N4BP2L2: variants seen among roughly 807,000 people sequenced by gnomAD.
The protein encoded by N4BP2L2 is NEDD4-binding protein 2-like 2.
A neutral mutation model predicts 56.2 loss-of-function variants in N4BP2L2; 50 were observed. That is an observed-to-expected ratio of 0.89 (90% CI 0.71 to 1.13). The LOEUF (loss-of-function observed/expected upper bound fraction) is 1.13, where lower values mean the gene tolerates loss of function less well. Among genes scored for constraint, N4BP2L2 ranks in the 50% most tolerant of loss-of-function variants. The probability of loss-of-function intolerance (pLI) is 0.00; values close to 1 mark genes in which losing one functional copy is unlikely to be tolerated. For synonymous variants in N4BP2L2, 203 were observed against 223.6 expected (o/e 0.91, Z 0.82); for missense variants, 689 against 693.8 (o/e 0.99, Z 0.08).
chr13:32,481,157 C>T (rs942043519), intron 6 of N4BP2L2, among the ~76,000 whole-genome samples: 1 of 132,072 alleles, frequency 7.6e-6, no homozygotes, highest in Non-Finnish European at 1.5e-5. Context: ...AAGGATTGCA[C>T]TTTTTAGATT....
chr13:32,438,600 A>AAAC lies in N4BP2L2; in HGVS notation c.2190+49_2190+51dup, dbSNP rs201307516. Reference sequence around the variant, plus strand: ...GGCAACAAGAATGAAACTCCGTCTCAAACAACAACAACAACAAAAATACAT... The same window carrying AAAC: ...GGCAACAAGAATGAAACTCCGTCTCAAACAACAACAACAACAACAAAAATACAT... On this transcript the variant is annotated intron_variant, in intron 8 of 9. Coordinates refer to the N4BP2L2 transcript ENST00000357505. 72 of 1,422,758 alleles carry AAAC rather than the reference A, an allele frequency of 5.1e-5. No homozygotes were observed. In the East Asian group the frequency reaches 1.4e-3, roughly 27 times the overall value. The allele number at this position is 1,422,758 out of a possible 1,614,324, so 88.1% of individuals were successfully genotyped here. A position where few individuals can be genotyped will look rare whatever the true frequency, so the allele number is the denominator to read the frequency against.
At chr13:32,477,357 T>C in intron 6 of N4BP2L2, 1 of 190,954 alleles carries the variant, frequency 5.2e-6, no homozygotes, top group Non-Finnish European at 1.1e-5. Flanking sequence ...AGTTTTTGTA[T>C]CTGCAATTTA....
intron 6 of N4BP2L2, among the ~76,000 whole-genome samples, chr13:32,501,431 CTTTT>C (rs34152087): frequency 6.7e-6 from 1 of 149,882 alleles, no homozygotes; most frequent in Non-Finnish European, 1.5e-5. Flanking sequence ...AAATAAAAAC[CTTTT>C]TTTTTTCTTT....
At chr13:32,453,439 A>G (rs780334980) in intron 6 of N4BP2L2, among the ~76,000 whole-genome samples, 18 of 150,566 alleles carry the variant, frequency 1.2e-4, no homozygotes, top group South Asian at 4.2e-4. Flanking sequence ...AATCAAGAGA[A>G]AAAAAAAAAG....
At chr13:32,500,869 T>C (rs1443195563) in intron 6 of N4BP2L2, among the ~76,000 whole-genome samples, 2 of 147,816 alleles carry the variant, frequency 1.4e-5, no homozygotes, top group East Asian at 2.0e-4. Context: ...TCTTTTCTTT[T>C]TTTTTTTTTT....
At chr13:32,493,667 G>A (rs1279917112) in intron 6 of N4BP2L2, among the ~76,000 whole-genome samples, 1 of 152,090 alleles carries the variant, frequency 6.6e-6, no homozygotes, top group African/African-American at 2.4e-5. Context: ...GACTAAAACA[G>A]TGTATTTTCA....
intron 6 of N4BP2L2, among the ~76,000 whole-genome samples, chr13:32,461,043 GA>G (rs2079969665): frequency 6.6e-6 from 1 of 152,064 alleles, no homozygotes; most frequent in Non-Finnish European, 1.5e-5. Context: ...ATGGTGCTGG[GA>G]AAACTGAATA....
At chr13:32,524,668 G>A (rs2052127533) in intron 3 of N4BP2L2, 1 of 152,048 alleles carries the variant, frequency 6.6e-6, no homozygotes, top group Non-Finnish European at 1.5e-5. Flanking sequence ...TATTATTCTG[G>A]TTTAATAATA....
intron 6 of N4BP2L2, chr13:32,446,622 C>T (rs1259814460): frequency 2.1e-6 from 2 of 943,720 alleles, no homozygotes; most frequent in Non-Finnish European, 2.8e-6. Flanking sequence ...AATGTATAGT[C>T]ACTGTCCCTC....
chr13:32,469,185 T>G (rs1351253732), intron 6 of N4BP2L2, among the ~76,000 whole-genome samples: 1 of 152,174 alleles, frequency 6.6e-6, no homozygotes, highest in Non-Finnish European at 1.5e-5. Flanking sequence ...ACATTTGGTG[T>G]AGTCCTCGGC....
At chr13:32,476,742 G>A (rs567711065) in intron 6 of N4BP2L2, among the ~76,000 whole-genome samples, 2 of 152,206 alleles carry the variant, frequency 1.3e-5, no homozygotes, top group South Asian at 4.2e-4. Flanking sequence ...AAGTACTGTG[G>A]ATATACAGCA....
At chr13:32,474,549 C>G (rs560385818) in intron 6 of N4BP2L2, among the ~76,000 whole-genome samples, 1 of 150,278 alleles carries the variant, frequency 6.7e-6, no homozygotes. Flanking sequence ...AAAAAATTAG[C>G]CGGGCATGGT....
intron 6 of N4BP2L2, among the ~76,000 whole-genome samples, chr13:32,447,674 AGAG>A (rs1441559636): frequency 6.6e-6 from 1 of 152,182 alleles, no homozygotes; most frequent in Non-Finnish European, 1.5e-5. Context: ...TCATTAAAAA[AGAG>A]TTCAGAAAGT....
At chr13:32,475,500 T>C (rs2083152187) in intron 6 of N4BP2L2, among the ~76,000 whole-genome samples, 1 of 152,168 alleles carries the variant, frequency 6.6e-6, no homozygotes, top group African/African-American at 2.4e-5. Context: ...GGCTCATAGA[T>C]TGGTTTAATC....
chr13:32,475,757 T>C (rs574402954), intron 6 of N4BP2L2, among the ~76,000 whole-genome samples: 5 of 152,324 alleles, frequency 3.3e-5, no homozygotes, highest in Admixed American at 2.6e-4. Flanking sequence ...AAGGAAAGCC[T>C]TACCGAGGAT....
chr13:32,488,042 A>G (rs1202905852), intron 6 of N4BP2L2, among the ~76,000 whole-genome samples: 1 of 152,030 alleles, frequency 6.6e-6, no homozygotes, highest in Non-Finnish European at 1.5e-5. Flanking sequence ...GTGTACTATC[A>G]TCATCCCCAT....
chr13:32,518,112 A>T, intron 5 of N4BP2L2, 109 bp from the exon 6 acceptor site: 2 of 983,084 alleles, frequency 2.0e-6, no homozygotes, highest in Non-Finnish European at 2.9e-6. Context: ...TTTGTAAATA[A>T]ACAATATATA....
At chr13:32,482,209 TTAAA>T (rs1318929889) in intron 6 of N4BP2L2, among the ~76,000 whole-genome samples, 1 of 152,242 alleles carries the variant, frequency 6.6e-6, no homozygotes, top group African/African-American at 2.4e-5. Flanking sequence ...TACTTATCTG[TTAAA>T]TAAATTTTTA....
At chr13:32,509,788 T>C (rs749543672), downstream of N4BP2L2, among the ~76,000 whole-genome samples, 2 of 152,196 alleles carry the variant, frequency 1.3e-5, no homozygotes, top group Non-Finnish European at 2.9e-5. Flanking sequence ...ACCAATGACA[T>C]TTCTTTTCTA....
Sources: allele counts gnomAD v4.1 joint callset (sites outside exome capture counted in the v4.1 genomes callset), GRCh38; gene constraint gnomAD v4.1.1; transcripts MANE v1.5; gene names NCBI Gene and HGNC (gene_info 2026-07-23, HGNC 2026-07-21).